The following DNAH9 variants were observed in gnomAD, a reference collection of about 807,000 sequenced individuals.
The protein encoded by DNAH9 is DNAH9 variant protein.
A neutral mutation model predicts 471.6 loss-of-function variants in DNAH9; 345 were observed. The ratio of observed to expected loss-of-function variants is 0.73; its 90% CI spans 0.67 to 0.80. The LOEUF (loss-of-function observed/expected upper bound fraction) is 0.80, where lower values mean the gene tolerates loss of function less well. Among genes scored for constraint, DNAH9 ranks in the 30% least tolerant of loss-of-function variants. The probability of loss-of-function intolerance (pLI) is 0.00; values close to 1 mark genes in which losing one functional copy is unlikely to be tolerated. For missense variants in DNAH9, 5,407 were observed against 5,609.2 expected (o/e 0.96, Z 1.15); for synonymous variants, 2,093 against 2,123.6 (o/e 0.99, Z 0.40).
chr17:11,770,601 A>G (rs1033204222), intron 38 of DNAH9, among the ~76,000 whole-genome samples: 3 of 152,160 alleles, frequency 2.0e-5, no homozygotes, highest in Non-Finnish European at 2.9e-5. Context: ...TGCTGAGCCA[A>G]TCCCAATCCA....
chr17:11,728,834 T>C (rs1263724425), intron 28 of DNAH9, among the ~76,000 whole-genome samples: 1 of 152,128 alleles, frequency 6.6e-6, no homozygotes, highest in Non-Finnish European at 1.5e-5. Context: ...ATTCTCCCCA[T>C]TATGTATGTG....
intron 17 of DNAH9, among the ~76,000 whole-genome samples, chr17:11,673,601 G>GTTTTTTTTT (rs59481227): frequency 7.6e-6 from 1 of 131,010 alleles, no homozygotes; most frequent in Non-Finnish European, 1.6e-5. Context: ...GTTTATATTT[G>GTTTTTTTTT]TTTTTTTTTT....
chr17:11,665,009 TAAC>T (rs767543152), intron 15 of DNAH9, 41 bp downstream of exon 15: 8 of 1,558,254 alleles, frequency 5.1e-6, no homozygotes, highest in Admixed American at 1.8e-5. Context: ...ATTGGAAAGA[TAAC>T]AACAGTAACA....
intron 39 of DNAH9, among the ~76,000 whole-genome samples, chr17:11,781,840 AAAAC>A (rs918877712): frequency 1.3e-4 from 19 of 146,418 alleles, no homozygotes; most frequent in Middle Eastern, 3.4e-3. Context: ...TTAAAAAAAA[AAAAC>A]AAACAAAAAA....
intron 14 of DNAH9, among the ~76,000 whole-genome samples, chr17:11,660,496 A>G (rs2073739996): frequency 6.6e-6 from 1 of 151,562 alleles, no homozygotes; most frequent in South Asian, 2.1e-4. Flanking sequence ...CTAATTTTTG[A>G]ATTTTTAGTA....
At position 11,930,103 on chromosome 17, in the gene DNAH9, C is replaced by T. The variant is rs374962757; in HGVS notation, c.12105+10C>T. 1.2e-5 allele frequency: 19 copies of T among 1,609,226 alleles called. No homozygotes were observed. The East Asian group carries it at 1.3e-4, about 11-fold the overall frequency. ...GGACAACTTCACTCAGGTACGGCCC[C>T]GGGAGGGAGGCAAAAACAGCAGCAC... On this transcript the variant is annotated intron_variant, in intron 63 of 68. Transcript: ENST00000262442.
In DNAH9 at chr17:11,702,644, A is replaced by G. The variant is rs544974934; in HGVS notation, c.5151+1397A>G. On this transcript the variant is annotated intron_variant, in intron 24 of 68. Coordinates refer to ENST00000262442, the MANE Select transcript of DNAH9 (RefSeq NM_001372.4). ...GGAAACCAAGCAAGAAACTGTTGGTAGCAGGTAAGAGGTAGGAAATGTCAA... is the reference window on the plus strand; with the variant it reads ...GGAAACCAAGCAAGAAACTGTTGGTGGCAGGTAAGAGGTAGGAAATGTCAA... 4.6e-5 allele frequency among the ~76,000 whole-genome samples: 7 copies of G among 152,336 alleles called. No individual in the cohort carries two copies. The East Asian group carries it at 1.4e-3, about 29-fold the overall frequency.
At position 11,883,453 on chromosome 17, in the gene DNAH9, T is replaced by A. The variant is rs1972790262; in HGVS notation, c.10807-133T>A. The A allele has an allele frequency of 3.3e-6, 4 of 1,227,978 alleles. 1 individual carries two copies. In the South Asian group the frequency reaches 5.9e-5, roughly 18 times the overall value. The allele number at this position is 1,227,978 out of a possible 1,614,324, so 76.1% of individuals were successfully genotyped here. A position where few individuals can be genotyped will look rare whatever the true frequency, so the allele number is the denominator to read the frequency against. ...TTGACTCCTTGTCTCCTGCTCATGGTCTGAAGCTCTTTGCCATTCTGCCTC... is the reference window on the plus strand; with the variant it reads ...TTGACTCCTTGTCTCCTGCTCATGGACTGAAGCTCTTTGCCATTCTGCCTC... On this transcript the variant is annotated intron_variant, in intron 55 of 68. Transcript: ENST00000262442.
rs766766328 is a variant in DNAH9 at position 11,854,272 on chromosome 17, C to G, written c.9777C>G (p.Ser3259=). 3.7e-6 allele frequency: 6 copies of G among 1,614,074 alleles called. No individual in the cohort carries two copies. Among genetic ancestry groups the G allele is most frequent in the South Asian group, 2.2e-5 (2 of 91,092 alleles). ...EFNPEFVATK[S]YAAAGLCSWV... ...ATCCTGAGTTTGTGGCCACCAAATC[C>G]TATGCGGCTGCAGGCCTCTGCTCCT... Residue 3259 remains serine (S), a synonymous_variant, in exon 50 of 69, where the codon TCC becomes TCG. Coordinates refer to ENST00000262442, the MANE Select transcript of DNAH9 (RefSeq NM_001372.4).
chr17:11,918,245 G>GTTTTGTTT (rs1555620725), intron 61 of DNAH9, among the ~76,000 whole-genome samples: 28 of 99,586 alleles, frequency 2.8e-4, no homozygotes, highest in African/African-American at 9.4e-4. Flanking sequence ...GTTTTGTTTT[G>GTTTTGTTT]TTTTGAGACA....
intron 49 of DNAH9, among the ~76,000 whole-genome samples, chr17:11,848,783 T>G: frequency 6.6e-6 from 1 of 151,156 alleles, no homozygotes; most frequent in Non-Finnish European, 1.5e-5. Flanking sequence ...GTGTAGATTG[T>G]CCATATACAG....
chr17:11,695,618 G>A (rs1335916681), intron 22 of DNAH9, among the ~76,000 whole-genome samples: 1 of 152,212 alleles, frequency 6.6e-6, no homozygotes, highest in African/African-American at 2.4e-5. Context: ...ACTAATTGAA[G>A]CAGTGTTGGT....
chr17:11,889,908 G>T (rs550638452), intron 57 of DNAH9, among the ~76,000 whole-genome samples: 1 of 152,320 alleles, frequency 6.6e-6, no homozygotes, highest in East Asian at 1.9e-4. Flanking sequence ...GGAGGATGCT[G>T]TGGAAGTGGG....
At position 11,688,082 on chromosome 17, in the gene DNAH9, C is replaced by CAAAAAAAAAAAAA. The variant is rs145792851; in HGVS notation, c.3744-1478_3744-1466dup. Among the ~76,000 whole-genome samples, 6 of 59,686 alleles carry CAAAAAAAAAAAAA rather than the reference C, an allele frequency of 1.0e-4. 2 individuals carry two copies. Among genetic ancestry groups the CAAAAAAAAAAAAA allele is most frequent in the South Asian group, 1.4e-3 (2 of 1,408 alleles). The allele number at this position is 59,686 out of a possible 152,430, so 39.2% of individuals were successfully genotyped here. On this transcript the variant is annotated intron_variant, in intron 19 of 68. Coordinates refer to ENST00000262442, the MANE Select transcript of DNAH9 (RefSeq NM_001372.4). ...CCGGGAGGCGGAGATTGCAGTAAGC[C>CAAAAAAAAAAAAA]AAAAAAAAAAAAAAAAAAGAAAAAG...
chr17:11,925,148 C>T lies in DNAH9; in HGVS notation c.11877+1207C>T, dbSNP rs8081106. The T allele has an allele frequency of 9.4e-3, 4,253 of 454,864 alleles. 124 individuals carry two copies. Among genetic ancestry groups the T allele is most frequent in the African/African-American group, 0.073 (3,647 of 50,094 alleles). The allele number at this position is 454,864 out of a possible 1,614,324, so 28.2% of individuals were successfully genotyped here. A position where few individuals can be genotyped will look rare whatever the true frequency, so the allele number is the denominator to read the frequency against. Reference sequence around the variant, plus strand: ...TTTATTTTATGACTGTATTCTCCACCAAATTTTTTAGGTAAAGAGATGTTC... The same window carrying T: ...TTTATTTTATGACTGTATTCTCCACTAAATTTTTTAGGTAAAGAGATGTTC... On this transcript the variant is annotated intron_variant, in intron 62 of 68. Transcript: ENST00000262442.
intron 17 of DNAH9, among the ~76,000 whole-genome samples, chr17:11,671,226 T>C (rs78485140): frequency 0.024 from 3,684 of 152,308 alleles, 153 homozygotes; most frequent in African/African-American, 0.083. Context: ...ATGCATGTTT[T>C]ATTATTCAGG....
At chr17:11,739,413 A>G (rs964660779) in intron 29 of DNAH9, among the ~76,000 whole-genome samples, 2 of 151,980 alleles carry the variant, frequency 1.3e-5, no homozygotes, top group Non-Finnish European at 2.9e-5. Flanking sequence ...GTAATTAACT[A>G]CTCCCCCATG....
intron 26 of DNAH9, among the ~76,000 whole-genome samples, chr17:11,714,232 A>G (rs752321826): frequency 6.6e-6 from 1 of 152,218 alleles, no homozygotes; most frequent in Non-Finnish European, 1.5e-5. Context: ...ATGGATTTTC[A>G]TCTACCCACA....
At chr17:11,648,393 T>G (rs1190615409) in intron 12 of DNAH9, among the ~76,000 whole-genome samples, 1 of 152,236 alleles carries the variant, frequency 6.6e-6, no homozygotes, top group Non-Finnish European at 1.5e-5. Flanking sequence ...TGGCATTCAC[T>G]GTGAGCAATA....
Sources: gnomAD v4.1 joint callset for allele counts (sites outside exome capture counted in the v4.1 genomes callset) on GRCh38, gnomAD v4.1.1 for gene constraint, MANE v1.5 for transcripts, NCBI Gene and HGNC (gene_info 2026-07-23, HGNC 2026-07-21) for gene names.